The following PAX5 variants were observed in gnomAD, a reference collection of about 807,000 sequenced individuals.
PAX5 encodes the protein paired box protein Pax-5.
PAX5 carries 9 observed loss-of-function variants against 43.7 expected under a neutral mutation model. That is an observed-to-expected ratio of 0.21 (90% CI 0.12 to 0.36). PAX5 has a LOEUF of 0.36. Ranked by LOEUF, PAX5 falls within the 10% of genes least tolerant of loss-of-function variation. The pLI is 1.00. For missense variants in PAX5, 383 were observed against 532.7 expected, an observed-to-expected ratio of 0.72 and a Z score of 2.77; for synonymous variants, 228 against 214.3, an observed-to-expected ratio of 1.06 and a Z score of -0.56.
chr9:36,892,041 CTA>C (rs1269679342), intron 7 of PAX5, among the ~76,000 whole-genome samples: 1 of 152,218 alleles, frequency 6.6e-6, no homozygotes, highest in Admixed American at 6.5e-5. Context: ...GGGACTCAGT[CTA>C]TATTTCCATG....
intron 3 of PAX5, among the ~76,000 whole-genome samples, chr9:37,008,295 C>G (rs117860109): frequency 1.2e-4 from 18 of 152,342 alleles, no homozygotes; most frequent in African/African-American, 4.1e-4. Flanking sequence ...CTCAAGTGGT[C>G]GGCCCTCCTC....
At chr9:36,848,350 C>CCCCACACACACA (rs1554646826) in intron 8 of PAX5, among the ~76,000 whole-genome samples, 2 of 136,366 alleles carry the variant, frequency 1.5e-5, no homozygotes, top group African/African-American at 5.7e-5. Flanking sequence ...CAGAGCGTGT[C>CCCCACACACACA]CACACACACA....
rs1348108814 is a variant in PAX5, at chr9:37,015,712, T to C, written c.213-518A>G. Among the ~76,000 whole-genome samples the C allele has an allele frequency of 2.0e-5, 3 of 152,244 alleles. No homozygotes were observed. The East Asian group carries it at 5.8e-4, about 29-fold the overall frequency. On this transcript the variant is annotated intron_variant, in intron 2 of 9. Coordinates refer to ENST00000358127, the MANE Select transcript of PAX5 (RefSeq NM_016734.3). The surrounding 1 kb of genome is among the most constrained non-coding windows in gnomAD (Gnocchi z 4.4). ...CTCCTGCCTCAGCCTCCCGAGTAGC[T>C]GGGATTACAGGCATGTGCCACCATG...
intron 5 of PAX5, among the ~76,000 whole-genome samples, chr9:36,980,360 A>C (rs1466260371): frequency 6.6e-6 from 1 of 152,212 alleles, no homozygotes; most frequent in Non-Finnish European, 1.5e-5. Context: ...GGGAGAAGCC[A>C]TAAATAAAGC....
At chr9:37,006,246 A>C (rs937552881) in intron 4 of PAX5, among the ~76,000 whole-genome samples, 2 of 151,964 alleles carry the variant, frequency 1.3e-5, no homozygotes, top group Non-Finnish European at 2.9e-5. Context: ...TTTCTGTCTC[A>C]TGGTGAAAGC....
At chr9:36,926,409 G>A (rs1830642804) in intron 6 of PAX5, among the ~76,000 whole-genome samples, 1 of 152,198 alleles carries the variant, frequency 6.6e-6, no homozygotes, top group African/African-American at 2.4e-5. Flanking sequence ...AGATTAAGAT[G>A]TACTTCTTGA....
At chr9:36,855,432 G>C (rs1479965161) in intron 8 of PAX5, among the ~76,000 whole-genome samples, 8 of 152,324 alleles carry the variant, frequency 5.3e-5, no homozygotes. Context: ...AATCCATTCT[G>C]CTGCTGTGGT....
intron 6 of PAX5, among the ~76,000 whole-genome samples, chr9:36,955,785 ATATATAT>A: frequency 1.1e-5 from 1 of 88,834 alleles, no homozygotes; most frequent in East Asian, 2.5e-4. Flanking sequence ...AAAAAAAAAT[ATATATAT>A]ATATATATAT....
chr9:36,940,911 A>G (rs1277711163), intron 6 of PAX5, among the ~76,000 whole-genome samples: 1 of 152,202 alleles, frequency 6.6e-6, no homozygotes, highest in African/African-American at 2.4e-5. Flanking sequence ...TTACGGGTCC[A>G]GGTAGAGAGT....
At position 36,840,027 on chromosome 9, in the gene PAX5, C is replaced by T. The variant is rs1398711190; in HGVS notation, c.*533G>A. The T allele has an allele frequency of 8.0e-6, 2 of 250,612 alleles. No individual in the cohort carries two copies. Among genetic ancestry groups the T allele is most frequent in the East Asian group, 5.9e-5 (1 of 16,966 alleles). The allele number at this position is 250,612 out of a possible 1,614,324, so 15.5% of individuals were successfully genotyped here. On this transcript the variant is annotated 3_prime_UTR_variant, in exon 10 of 10. Coordinates refer to ENST00000358127, the MANE Select transcript of PAX5 (RefSeq NM_016734.3). The stretch of plus-strand genomic sequence containing the variant: ...TCCATCTTGAGGACAGCTCTGAGCG[C>T]ACCTGCCAGGGTCACCCAGGGCAGA...
At chr9:36,907,182 C>G (rs1196858247) in intron 7 of PAX5, among the ~76,000 whole-genome samples, 1 of 152,096 alleles carries the variant, frequency 6.6e-6, no homozygotes, top group Non-Finnish European at 1.5e-5. Context: ...TACTTGGGAC[C>G]AAAATAGTGC....
chr9:36,898,300 C>A (rs1828048319), intron 7 of PAX5, among the ~76,000 whole-genome samples: 1 of 152,188 alleles, frequency 6.6e-6, no homozygotes. Context: ...CGGCCTCAGG[C>A]AGGTTAATTT....
chr9:36,986,064 G>GACCCCCGCCCGGC (rs1380706943), intron 5 of PAX5, among the ~76,000 whole-genome samples: 29 of 151,994 alleles, frequency 1.9e-4, no homozygotes, highest in Non-Finnish European at 4.0e-4. Context: ...AGCTCCGTCC[G>GACCCCCGCCCGGC]ACCCCCGCCC....
intron 7 of PAX5, among the ~76,000 whole-genome samples, chr9:36,897,306 G>A (rs1021029931): frequency 2.2e-4 from 33 of 152,162 alleles, no homozygotes; most frequent in African/African-American, 7.5e-4. Flanking sequence ...GAATCAGGGA[G>A]CACCGGAGCT....
intron 6 of PAX5, among the ~76,000 whole-genome samples, chr9:36,942,570 C>A (rs762740922): frequency 6.6e-6 from 1 of 152,194 alleles, no homozygotes. Context: ...GTGTGCAAGT[C>A]CCTGCTCTGT....
At chr9:36,937,843 T>A (rs948195787) in intron 6 of PAX5, among the ~76,000 whole-genome samples, 1 of 152,206 alleles carries the variant, frequency 6.6e-6, no homozygotes, top group Admixed American at 6.5e-5. Flanking sequence ...AGGGCTCCCA[T>A]TTAATGCCAA....
At chr9:36,887,712 T>A (rs1827020321) in intron 7 of PAX5, among the ~76,000 whole-genome samples, 1 of 152,088 alleles carries the variant, frequency 6.6e-6, no homozygotes, top group Non-Finnish European at 1.5e-5. Flanking sequence ...TGGGCATAAA[T>A]CTCCATGACC....
At chr9:36,967,576 A>T (rs1834554064) in intron 5 of PAX5, among the ~76,000 whole-genome samples, 1 of 152,248 alleles carries the variant, frequency 6.6e-6, no homozygotes, top group East Asian at 1.9e-4. Flanking sequence ...ATGTTAAAAA[A>T]TAAAAAACAA....
At position 36,965,302 on chromosome 9, in the gene PAX5, C is replaced by T. The variant is rs565215717; in HGVS notation, c.780+1247G>A. Among the ~76,000 whole-genome samples the T allele has an allele frequency of 2.6e-4, 40 of 152,338 alleles. 1 individual carries two copies. In the South Asian group the frequency reaches 5.8e-3, roughly 22 times the overall value. The stretch of plus-strand genomic sequence containing the variant: ...GGGAGGTCCAAGACCATCTTGTTCA[C>T]TGATGTGACCCAGTGCATGGCTCCA... On this transcript the variant is annotated intron_variant, in intron 6 of 9. Coordinates refer to ENST00000358127, the MANE Select transcript of PAX5 (RefSeq NM_016734.3).
Sources: allele counts gnomAD v4.1 joint callset (sites outside exome capture counted in the v4.1 genomes callset), GRCh38; gene constraint gnomAD v4.1.1; non-coding constraint Gnocchi (gnomAD v3.1); transcripts MANE v1.5; gene names NCBI Gene and HGNC (gene_info 2026-07-23, HGNC 2026-07-21).